The following RNF144A variants were observed in gnomAD, a reference collection of about 807,000 sequenced individuals.
The protein encoded by RNF144A is ring finger protein 144A.
A neutral mutation model predicts 38.7 loss-of-function variants in RNF144A; 11 were observed. The ratio of observed to expected loss-of-function variants is 0.28; its 90% CI spans 0.18 to 0.47. The LOEUF is 0.47. RNF144A is among the 20% of genes least tolerant of loss of function. The probability of loss-of-function intolerance (pLI) is 0.99; values close to 1 mark genes in which losing one functional copy is unlikely to be tolerated. For synonymous variants in RNF144A, 149 were observed against 143.9 expected (o/e 1.04, Z -0.25); for missense variants, 316 against 377.2 (o/e 0.84, Z 1.34).
chr2:6,917,451 C>T lies in RNF144A; in HGVS notation c.-383C>T, dbSNP rs191078726. The T allele has an allele frequency of 6.8e-6, 1 of 146,956 alleles. No individual in the cohort carries two copies. Among genetic ancestry groups the T allele is most frequent in the Non-Finnish European group, 1.5e-5 (1 of 66,056 alleles). The allele number at this position is 146,956 out of a possible 1,614,324, so 9.1% of individuals were successfully genotyped here. ...GCGCCCCGCCCGCGCAGCCGCTTCT[C>T]CCCGCGCGGGCTCTCGGCAGGCGGG... On this transcript the variant is annotated 5_prime_UTR_variant, in exon 1 of 9. Coordinates refer to ENST00000320892, the MANE Select transcript of RNF144A (RefSeq NM_014746.6). This position sits in a 1 kb window ranked among gnomAD's most constrained non-coding sequence, Gnocchi z 4.8.
At chr2:7,020,763 T>TA in intron 6 of RNF144A, 83 bp downstream of exon 6, 1 of 1,317,838 alleles carries the variant, frequency 7.6e-7, no homozygotes, top group Non-Finnish European at 1.1e-6. Flanking sequence ...AAAGTGCTGT[T>TA]ACAGTGTAAG....
intron 2 of RNF144A, among the ~76,000 whole-genome samples, chr2:6,942,383 G>A (rs1470574147): frequency 6.6e-6 from 1 of 152,080 alleles, no homozygotes. Context: ...CGTTGGAGAG[G>A]GCGGAGGACA....
At chr2:7,030,032 G>T in intron 7 of RNF144A, 94 bp from the exon 8 acceptor site, 1 of 871,970 alleles carries the variant, frequency 1.1e-6, no homozygotes, top group Middle Eastern at 2.3e-4. Context: ...CACTTATCAT[G>T]AGCATAGGAG....
chr2:7,057,492 T>C (rs1673785893), intron 6 of RNF144A, among the ~76,000 whole-genome samples: 1 of 152,220 alleles, frequency 6.6e-6, no homozygotes, highest in African/African-American at 2.4e-5. Context: ...CTCAATTCAT[T>C]TGCTAGCTAG....
intron 2 of RNF144A, among the ~76,000 whole-genome samples, chr2:6,976,658 A>G (rs897966810): frequency 3.4e-5 from 5 of 148,956 alleles, no homozygotes; most frequent in African/African-American, 4.9e-5. Context: ...TTATATATAC[A>G]TTTCATATAT....
chr2:6,955,629 G>C (rs925793666), intron 2 of RNF144A, among the ~76,000 whole-genome samples: 1 of 152,078 alleles, frequency 6.6e-6, no homozygotes, highest in African/African-American at 2.4e-5. Flanking sequence ...ACTGTGTCTA[G>C]ATGTTTTCCT....
At chr2:7,053,939 C>T (rs1380426063) in intron 6 of RNF144A, among the ~76,000 whole-genome samples, 1 of 152,232 alleles carries the variant, frequency 6.6e-6, no homozygotes, top group Non-Finnish European at 1.5e-5. Context: ...GTTGTGCAGG[C>T]ACTGGTGCCC....
chr2:6,949,608 C>T (rs1350701124), intron 2 of RNF144A, among the ~76,000 whole-genome samples: 2 of 152,062 alleles, frequency 1.3e-5, no homozygotes, highest in East Asian at 1.9e-4. Flanking sequence ...AGTCTCTGGT[C>T]GAAGAGACCA....
At position 7,041,040 on chromosome 2, in the gene RNF144A, A is replaced by G; in HGVS notation, c.*1280A>G. 1 of 985,446 alleles carries G rather than the reference A, an allele frequency of 1.0e-6. No individual in the cohort carries two copies. Among genetic ancestry groups the G allele is most frequent in the Non-Finnish European group, 1.2e-6 (1 of 829,918 alleles). The allele number at this position is 985,446 out of a possible 1,614,324, so 61.0% of individuals were successfully genotyped here. ...TGACTTTGAAAAGTGGAGAAAGTGTATTCTTTAAAGAGAATTTACTTCTAA... is the reference window on the plus strand; with the variant it reads ...TGACTTTGAAAAGTGGAGAAAGTGTGTTCTTTAAAGAGAATTTACTTCTAA... On this transcript the variant is annotated 3_prime_UTR_variant, in exon 9 of 9. Coordinates refer to ENST00000320892, the MANE Select transcript of RNF144A (RefSeq NM_014746.6).
chr2:6,969,518 A>C (rs1172747334), intron 2 of RNF144A, among the ~76,000 whole-genome samples: 1 of 152,158 alleles, frequency 6.6e-6, no homozygotes, highest in African/African-American at 2.4e-5. Flanking sequence ...GTGTGAGAAA[A>C]TACATTTCTG....
At position 7,039,252 on chromosome 2, in the gene RNF144A, G is replaced by T. The variant is rs1022509495; in HGVS notation, c.748-377G>T. Among the ~76,000 whole-genome samples, 531 of 144,538 alleles carry T rather than the reference G, an allele frequency of 3.7e-3. 2 individuals are homozygous for T. The highest frequency in any genetic ancestry group is 4.6e-3 in the Non-Finnish European group (300 of 65,450). The allele number at this position is 144,538 out of a possible 152,430, so 94.8% of individuals were successfully genotyped here. ...GGGTAGGTGGATGGATGGAGAGATG[G>T]ATGATGGTTAATGGATGAATGGGTA... On this transcript the variant is annotated intron_variant, in intron 8 of 8. Coordinates refer to ENST00000320892, the MANE Select transcript of RNF144A (RefSeq NM_014746.6).
At chr2:6,979,111 C>T (rs902924637) in intron 2 of RNF144A, among the ~76,000 whole-genome samples, 5 of 152,024 alleles carry the variant, frequency 3.3e-5, no homozygotes, top group South Asian at 2.1e-4. Context: ...GAATAGTGGG[C>T]GAGGGGCTGG....
At chr2:6,949,905 A>T (rs1236975602) in intron 2 of RNF144A, among the ~76,000 whole-genome samples, 1 of 152,160 alleles carries the variant, frequency 6.6e-6, no homozygotes, top group East Asian at 1.9e-4. Context: ...TAAATTCTGT[A>T]CCTTCTTTCC....
chr2:7,055,658 C>G (rs1347661769), intron 6 of RNF144A, among the ~76,000 whole-genome samples: 1 of 152,160 alleles, frequency 6.6e-6, no homozygotes, highest in Admixed American at 6.5e-5. Flanking sequence ...GTCTGAAACC[C>G]CAGCAGGTAC....
chr2:7,059,903 C>T (rs577580624), intron 6 of RNF144A, among the ~76,000 whole-genome samples: 6 of 152,256 alleles, frequency 3.9e-5, no homozygotes, highest in Middle Eastern at 3.4e-3. Context: ...GTAAAAGTGG[C>T]GCTGCAGGTA....
chr2:7,038,489 C>T (rs1672824943), intron 8 of RNF144A, among the ~76,000 whole-genome samples: 1 of 152,110 alleles, frequency 6.6e-6, no homozygotes, highest in African/African-American at 2.4e-5. Context: ...TCTGTATTTG[C>T]AGTGTCAAGT....
At chr2:6,938,167 G>T (rs1665711126) in intron 1 of RNF144A, among the ~76,000 whole-genome samples, 1 of 151,826 alleles carries the variant, frequency 6.6e-6, no homozygotes, top group Non-Finnish European at 1.5e-5. Context: ...GGAAAACCTG[G>T]AGTAATCCAG....
At chr2:6,926,593 G>T (rs1028119417) in intron 1 of RNF144A, among the ~76,000 whole-genome samples, 1 of 152,198 alleles carries the variant, frequency 6.6e-6, no homozygotes, top group Non-Finnish European at 1.5e-5. Flanking sequence ...AATAGGTTCG[G>T]TGTGGGTACA....
chr2:7,042,834 A>G lies in RNF144A; in HGVS notation c.*3074A>G. On this transcript the variant is annotated 3_prime_UTR_variant, in exon 9 of 9. Transcript: ENST00000320892. ...AACTCATAGGAGTAGCTGTGGACAG[A>G]GGAACCAACATCTGCCACCTCTGGC... 2 of 985,474 alleles carry G rather than the reference A, an allele frequency of 2.0e-6. No individual in the cohort carries two copies. The highest frequency in any genetic ancestry group is 2.4e-6 in the Non-Finnish European group (2 of 829,934). The allele number at this position is 985,474 out of a possible 1,614,324, so 61.0% of individuals were successfully genotyped here.
Sources: gnomAD v4.1 joint callset for allele counts (sites outside exome capture counted in the v4.1 genomes callset) on GRCh38, gnomAD v4.1.1 for gene constraint, Gnocchi (gnomAD v3.1) non-coding constraint, MANE v1.5 for transcripts, NCBI Gene and HGNC (gene_info 2026-07-23, HGNC 2026-07-21) for gene names.